Variants in TOX2 observed in about 807,000 individuals in gnomAD.
The protein encoded by TOX2 is TOX high mobility group box family member 2, also known as granulosa cell HMG box 1.
Under a neutral mutation model 47.4 loss-of-function variants are expected in TOX2, and 15 were observed. That is an observed-to-expected ratio of 0.32 (90% CI 0.21 to 0.49). The LOEUF is 0.49. Among genes scored for constraint, TOX2 ranks in the 20% least tolerant of loss-of-function variants. The pLI, the probability that TOX2 is intolerant of heterozygous loss-of-function variation, is 0.99. For synonymous variants in TOX2, 290 were observed against 296.6 expected (o/e 0.98, Z 0.23); for missense variants, 622 against 673.1 (o/e 0.92, Z 0.84).
chr20:43,992,353 G>A (rs2070383706), intron 2 of TOX2, among the ~76,000 whole-genome samples: 1 of 152,186 alleles, frequency 6.6e-6, no homozygotes, highest in Non-Finnish European at 1.5e-5. Flanking sequence ...GAGCGATCGT[G>A]TAGGAGCCAG....
At chr20:44,064,248 C>T (rs2071771088) in intron 5 of TOX2, among the ~76,000 whole-genome samples, 1 of 152,210 alleles carries the variant, frequency 6.6e-6, no homozygotes, top group East Asian at 1.9e-4. Flanking sequence ...AGGCTAAGCT[C>T]CAAGTCATTT....
At position 43,915,371 on chromosome 20, in the gene TOX2, G is replaced by A. The variant is rs897858877; in HGVS notation, c.99+381G>A. Among the ~76,000 whole-genome samples, 6 of 152,064 alleles carry A rather than the reference G, an allele frequency of 3.9e-5. No homozygotes were observed. The highest frequency in any genetic ancestry group is 1.4e-4 in the African/African-American group (6 of 41,404). ...CACAACGACACGCAACCACTCACCCGCAAACAGCCTCACCGCCACAGACGA... is the reference window on the plus strand; with the variant it reads ...CACAACGACACGCAACCACTCACCCACAAACAGCCTCACCGCCACAGACGA... On this transcript the variant is annotated intron_variant, in intron 1 of 8. Coordinates refer to ENST00000341197, the MANE Select transcript of TOX2 (RefSeq NM_001098797.2). The surrounding 1 kb of genome is among the most constrained non-coding windows in gnomAD (Gnocchi z 7.1).
chr20:44,037,993 A>G (rs1234052986), intron 3 of TOX2, among the ~76,000 whole-genome samples: 2 of 152,320 alleles, frequency 1.3e-5, no homozygotes, highest in East Asian at 1.9e-4. Context: ...AAATGCCGAT[A>G]ATGATATGGA....
chr20:43,950,340 C>CT (rs1398409829), intron 1 of TOX2, among the ~76,000 whole-genome samples: 1 of 152,242 alleles, frequency 6.6e-6, no homozygotes, highest in Non-Finnish European at 1.5e-5. Flanking sequence ...CTGCAGCCCT[C>CT]TCGCCTGCCC....
intron 1 of TOX2, among the ~76,000 whole-genome samples, chr20:43,954,792 G>T (rs987929524): frequency 6.6e-6 from 1 of 152,178 alleles, no homozygotes; most frequent in East Asian, 1.9e-4. Context: ...GATCCACGAG[G>T]GTGTGGGGAG....
chr20:44,010,719 G>T (rs1017207012), intron 3 of TOX2, among the ~76,000 whole-genome samples: 2 of 152,114 alleles, frequency 1.3e-5, no homozygotes, highest in Admixed American at 1.3e-4. Context: ...ACGTTTTCTT[G>T]CATAATCCCC....
At chr20:43,961,132 G>A (rs1228877825) in intron 1 of TOX2, among the ~76,000 whole-genome samples, 5 of 152,404 alleles carry the variant, frequency 3.3e-5, no homozygotes, top group Admixed American at 2.0e-4. Flanking sequence ...CATGGCAGAG[G>A]GGTGGCCAGG....
At chr20:43,999,445 A>T (rs1185163332) in intron 2 of TOX2, among the ~76,000 whole-genome samples, 1 of 152,198 alleles carries the variant, frequency 6.6e-6, no homozygotes, top group East Asian at 1.9e-4. Flanking sequence ...AACAATGAAC[A>T]ACCCATAAAG....
chr20:44,028,369 G>A (rs891545874), intron 3 of TOX2, among the ~76,000 whole-genome samples: 1 of 152,252 alleles, frequency 6.6e-6, no homozygotes, highest in East Asian at 1.9e-4. Flanking sequence ...TCTGGGAGAG[G>A]GGCATCTGTC....
intron 3 of TOX2, among the ~76,000 whole-genome samples, chr20:44,032,637 T>C (rs1226417080): frequency 6.6e-6 from 1 of 151,982 alleles, no homozygotes; most frequent in Non-Finnish European, 1.5e-5. Context: ...ACTTGAGATA[T>C]AGTAGGGAGC....
Position 43,966,942 on chromosome 20 carries a change from G to C in TOX2, c.100-6425G>C, listed in dbSNP as rs550552136. ...CTAGTGATAGCCAAGGTGTACGATGGATTGTGTGACACGGACCCACCAACA... is the reference window on the plus strand; with the variant it reads ...CTAGTGATAGCCAAGGTGTACGATGCATTGTGTGACACGGACCCACCAACA... On this transcript the variant is annotated intron_variant, in intron 1 of 8. Transcript: ENST00000341197. Among the ~76,000 whole-genome samples, 168 of 93,268 alleles carry C rather than the reference G, an allele frequency of 1.8e-3. 4 individuals are homozygous for C. Among genetic ancestry groups the C allele is most frequent in the Admixed American group, 1.0e-2 (81 of 8,122 alleles). 61.2% of individuals were successfully genotyped at this position (93,268 alleles called of 152,430 possible). A position where few individuals can be genotyped will look rare whatever the true frequency, so the allele number is the denominator to read the frequency against.
intron 1 of TOX2, among the ~76,000 whole-genome samples, chr20:43,934,349 G>A (rs531014938): frequency 3.9e-5 from 6 of 152,200 alleles, no homozygotes; most frequent in South Asian, 4.1e-4. Context: ...TTTCACTTAC[G>A]TTATTTATTT....
chr20:43,998,455 G>A (rs2070516419), intron 2 of TOX2, among the ~76,000 whole-genome samples: 1 of 152,216 alleles, frequency 6.6e-6, no homozygotes, highest in African/African-American at 2.4e-5. Flanking sequence ...TCAAAAGAGT[G>A]AATTGCGTCA....
At chr20:43,983,442 C>T (rs182131995) in intron 2 of TOX2, among the ~76,000 whole-genome samples, 1 of 152,214 alleles carries the variant, frequency 6.6e-6, no homozygotes, top group East Asian at 1.9e-4. Context: ...ATCAGGAGGC[C>T]AGAAGACAAG....
chr20:43,980,028 A>G (rs1051745506), intron 2 of TOX2, among the ~76,000 whole-genome samples: 2 of 152,236 alleles, frequency 1.3e-5, no homozygotes, highest in South Asian at 2.1e-4. Context: ...ACTGCTGGGT[A>G]TATACCCCAA....
intron 2 of TOX2, among the ~76,000 whole-genome samples, chr20:43,987,648 C>T (rs1393484838): frequency 2.0e-5 from 3 of 152,148 alleles, no homozygotes; most frequent in African/African-American, 4.8e-5. Context: ...TGTGTTAATC[C>T]GGTCACCAGG....
chr20:44,032,718 C>T (rs112447690), intron 3 of TOX2, among the ~76,000 whole-genome samples: 168 of 152,294 alleles, frequency 1.1e-3, no homozygotes, highest in African/African-American at 3.7e-3. Flanking sequence ...CTCCCCACAG[C>T]CCCATCCCAA....
intron 3 of TOX2, among the ~76,000 whole-genome samples, chr20:44,037,634 A>G (rs1245492881): frequency 1.3e-5 from 2 of 152,158 alleles, no homozygotes; most frequent in African/African-American, 4.8e-5. Context: ...CTCTTCTAGC[A>G]TGGTTCCTGG....
chr20:44,054,174 GC>G (rs2071576257), intron 4 of TOX2, 124 bp from the exon 5 acceptor site: 1 of 956,728 alleles, frequency 1.0e-6, no homozygotes, highest in Non-Finnish European at 1.6e-6. Context: ...CCCCTCCATC[GC>G]GCGAGTGGTT....
Sources: gnomAD v4.1 joint callset for allele counts (sites outside exome capture counted in the v4.1 genomes callset) on GRCh38, gnomAD v4.1.1 for gene constraint, Gnocchi (gnomAD v3.1) non-coding constraint, MANE v1.5 for transcripts, NCBI Gene and HGNC (gene_info 2026-07-23, HGNC 2026-07-21) for gene names.